Variants in SPAG16 observed in about 807,000 individuals in gnomAD.
SPAG16 encodes sperm-associated antigen 16 protein.
Under a neutral mutation model 80.4 loss-of-function variants are expected in SPAG16, and 86 were observed. The ratio of observed to expected loss-of-function variants is 1.07; its 90% CI spans 0.90 to 1.28. SPAG16 has a LOEUF of 1.28. Ranked by LOEUF, SPAG16 falls within the 50% of genes most tolerant of loss-of-function variation. The pLI, the probability that SPAG16 is intolerant of heterozygous loss-of-function variation, is 0.00. For missense variants in SPAG16, 870 were observed against 765.3 expected (o/e 1.14, Z -1.61); for synonymous variants, 294 against 265.9 (o/e 1.11, Z -1.03).
Position 213,862,581 on chromosome 2 carries a change from G to T in SPAG16, c.1167G>T (p.Thr389=), listed in dbSNP as rs1446357789. The change falls in exon 11 of 16, where the codon ACG becomes ACT. Residue 389 remains threonine (T), a synonymous_variant. Transcript: ENST00000331683. The part of the protein sequence containing the change: ...LGLPKCNVLL[T]GFGHTDWLSD... ...TTCCAAAATGCAATGTGCTTCTCAC[G>T]GGATTTGGCCACACTGACTGGCTTT... 6 of 1,614,084 alleles carry T rather than the reference G, an allele frequency of 3.7e-6. No homozygotes were observed. The highest frequency in any genetic ancestry group is 2.2e-5 in the South Asian group (2 of 91,086).
intron 9 of SPAG16, among the ~76,000 whole-genome samples, chr2:213,471,935 C>G (rs1187318597): frequency 6.6e-6 from 1 of 152,120 alleles, no homozygotes. Context: ...ACAACTGGAC[C>G]CCTAGAAAGT....
At chr2:213,482,437 G>A (rs2073791531) in intron 9 of SPAG16, among the ~76,000 whole-genome samples, 1 of 152,196 alleles carries the variant, frequency 6.6e-6, no homozygotes, top group African/African-American at 2.4e-5. Context: ...AAAAATTAGT[G>A]CCATGTGCTG....
At chr2:214,150,297 G>A (rs1307487615) in intron 15 of SPAG16, among the ~76,000 whole-genome samples, 2 of 151,944 alleles carry the variant, frequency 1.3e-5, no homozygotes, top group African/African-American at 2.4e-5. Flanking sequence ...TGGTAAGTTT[G>A]TCTTCTTAAC....
At chr2:213,722,382 C>G (rs749499735) in intron 10 of SPAG16, among the ~76,000 whole-genome samples, 8 of 152,110 alleles carry the variant, frequency 5.3e-5, no homozygotes, top group Non-Finnish European at 8.8e-5. Flanking sequence ...GAAATGTGTT[C>G]TCTCATTTGT....
chr2:213,937,409 A>G (rs1303859189), intron 12 of SPAG16, among the ~76,000 whole-genome samples: 6 of 152,084 alleles, frequency 3.9e-5, no homozygotes, highest in African/African-American at 1.4e-4. Flanking sequence ...AGTAATGCTT[A>G]AAATATAATT....
intron 15 of SPAG16, among the ~76,000 whole-genome samples, chr2:214,304,650 G>A (rs1427203817): frequency 6.6e-6 from 1 of 152,142 alleles, no homozygotes; most frequent in Admixed American, 6.6e-5. Context: ...ATATTTCTGT[G>A]TGTGTGTCTT....
intron 1 of SPAG16, among the ~76,000 whole-genome samples, chr2:213,295,416 G>A (rs2062458128): frequency 6.6e-6 from 1 of 151,758 alleles, no homozygotes; most frequent in Non-Finnish European, 1.5e-5. Context: ...AATTTCTTCA[G>A]TATTTATGAA....
chr2:213,402,024 CATT>C (rs1314731885), intron 9 of SPAG16, among the ~76,000 whole-genome samples: 2 of 151,878 alleles, frequency 1.3e-5, no homozygotes, highest in African/African-American at 2.4e-5. Flanking sequence ...TATAATGAAA[CATT>C]ATTATTTAAG....
intron 10 of SPAG16, among the ~76,000 whole-genome samples, chr2:213,776,454 A>G (rs1450832206): frequency 6.6e-6 from 1 of 152,200 alleles, no homozygotes; most frequent in African/African-American, 2.4e-5. Flanking sequence ...ATTTAAGTTC[A>G]GTGAGACCCA....
chr2:213,577,922 G>T (rs1169083026), intron 10 of SPAG16, among the ~76,000 whole-genome samples: 1 of 151,954 alleles, frequency 6.6e-6, no homozygotes. Flanking sequence ...TTTTATGTTT[G>T]CTCTATCCAG....
chr2:213,533,255 A>G (rs1388212460), intron 10 of SPAG16, among the ~76,000 whole-genome samples: 1 of 152,156 alleles, frequency 6.6e-6, no homozygotes, highest in African/African-American at 2.4e-5. Flanking sequence ...CTTTTTTTGT[A>G]TATATGTATA....
At chr2:214,171,235 C>T (rs570287945) in intron 15 of SPAG16, among the ~76,000 whole-genome samples, 2 of 151,822 alleles carry the variant, frequency 1.3e-5, no homozygotes, top group African/African-American at 4.8e-5. Context: ...TTCAGGCCAC[C>T]ACCTTAGTTA....
intron 10 of SPAG16, among the ~76,000 whole-genome samples, chr2:213,845,344 TC>T: frequency 6.6e-6 from 1 of 151,852 alleles, no homozygotes. Flanking sequence ...ACTGCAGGCA[TC>T]CGCTACCACG....
chr2:214,086,673 A>C (rs2051786221), intron 13 of SPAG16, among the ~76,000 whole-genome samples: 1 of 152,156 alleles, frequency 6.6e-6, no homozygotes. Flanking sequence ...TTTCCTTTAT[A>C]AATTACCCAG....
At chr2:214,328,937 T>C (rs1480243055) in intron 15 of SPAG16, among the ~76,000 whole-genome samples, 1 of 152,158 alleles carries the variant, frequency 6.6e-6, no homozygotes, top group East Asian at 1.9e-4. Context: ...TTGGAGTGAC[T>C]GTTCAGGAAA....
At chr2:213,488,268 G>A (rs547101768) in intron 9 of SPAG16, among the ~76,000 whole-genome samples, 5 of 152,154 alleles carry the variant, frequency 3.3e-5, no homozygotes, top group South Asian at 4.1e-4. Flanking sequence ...GTGTGTATAC[G>A]CCATTAACAA....
chr2:213,384,703 G>GC (rs2067336337), intron 9 of SPAG16, among the ~76,000 whole-genome samples: 2 of 152,144 alleles, frequency 1.3e-5, no homozygotes, highest in Admixed American at 1.3e-4. Context: ...TGTGAAAACT[G>GC]GCTAAGATCT....
chr2:214,163,643 G>C (rs1279376298), intron 15 of SPAG16, among the ~76,000 whole-genome samples: 1 of 150,594 alleles, frequency 6.6e-6, no homozygotes, highest in East Asian at 1.9e-4. Flanking sequence ...TATATAGAGA[G>C]AGAGAGAGAA....
intron 13 of SPAG16, among the ~76,000 whole-genome samples, chr2:214,041,914 A>G (rs1346301325): frequency 6.8e-6 from 1 of 146,756 alleles, no homozygotes; most frequent in Non-Finnish European, 1.5e-5. Context: ...TATATATTAT[A>G]TATATCTTTT....
Sources: gnomAD v4.1 joint callset for allele counts (sites outside exome capture counted in the v4.1 genomes callset) on GRCh38, gnomAD v4.1.1 for gene constraint, MANE v1.5 for transcripts, NCBI Gene and HGNC (gene_info 2026-07-23, HGNC 2026-07-21) for gene names.